Variants in AGBL1 observed in about 807,000 individuals in gnomAD.
AGBL1 encodes the protein cytosolic carboxypeptidase 4.
In AGBL1, 130 loss-of-function variants were observed where a neutral mutation model predicts 118.9. The observed-to-expected ratio is 1.09, with a 90% CI of 0.95 to 1.26. AGBL1 has a LOEUF of 1.26. AGBL1 is among the 50% of genes most tolerant of loss of function. The pLI, the probability that AGBL1 is intolerant of heterozygous loss-of-function variation, is 0.00. For synonymous variants in AGBL1, 555 were observed against 478.9 expected (o/e 1.16, Z -2.08); for missense variants, 1,584 against 1,298.1 (o/e 1.22, Z -3.38).
chr15:86,176,543 C>T (rs1002622153), intron 5 of AGBL1, among the ~76,000 whole-genome samples: 5 of 151,926 alleles, frequency 3.3e-5, no homozygotes, highest in Non-Finnish European at 7.4e-5. Flanking sequence ...TGTAGAACAC[C>T]GCGTGGGCTA....
intron 6 of AGBL1, among the ~76,000 whole-genome samples, chr15:86,236,945 G>A (rs1482079410): frequency 7.5e-5 from 3 of 40,078 alleles, no homozygotes; most frequent in Non-Finnish European, 1.9e-4. Flanking sequence ...GGGGGGGCGG[G>A]GGGGGGCGGG....
At chr15:86,427,885 T>C (rs764503788) in intron 18 of AGBL1, among the ~76,000 whole-genome samples, 3 of 152,200 alleles carry the variant, frequency 2.0e-5, no homozygotes, top group African/African-American at 7.2e-5. Flanking sequence ...GTGAACATGA[T>C]AGAAGTTTGC....
intron 17 of AGBL1, among the ~76,000 whole-genome samples, chr15:86,391,945 A>G (rs2081293827): frequency 6.6e-6 from 1 of 152,014 alleles, no homozygotes; most frequent in Non-Finnish European, 1.5e-5. Flanking sequence ...ACCAGATCAA[A>G]TGTTACCTTT....
chr15:86,778,241 A>C (rs975153643), intron 22 of AGBL1, among the ~76,000 whole-genome samples: 1 of 152,202 alleles, frequency 6.6e-6, no homozygotes, highest in Non-Finnish European at 1.5e-5. Flanking sequence ...AAATGGAGGC[A>C]GGGCGAGATC....
intron 22 of AGBL1, among the ~76,000 whole-genome samples, chr15:86,903,601 A>T (rs1262503865): frequency 6.6e-6 from 1 of 152,150 alleles, no homozygotes; most frequent in African/African-American, 2.4e-5. Flanking sequence ...CTATGAGGCT[A>T]TGGATCTTAT....
chr15:86,369,081 A>G (rs2080932453), intron 17 of AGBL1, among the ~76,000 whole-genome samples: 1 of 152,166 alleles, frequency 6.6e-6, no homozygotes. Flanking sequence ...AAGTCTACCA[A>G]CAAGACCCTC....
At chr15:86,221,571 A>C (rs1296865364) in intron 5 of AGBL1, among the ~76,000 whole-genome samples, 1 of 152,186 alleles carries the variant, frequency 6.6e-6, no homozygotes, top group Non-Finnish European at 1.5e-5. Context: ...ACATGTAACC[A>C]CTGAATAAAC....
At chr15:87,014,339 T>C (rs187597422) in intron 24 of AGBL1, among the ~76,000 whole-genome samples, 3 of 152,308 alleles carry the variant, frequency 2.0e-5, no homozygotes, top group East Asian at 3.9e-4. Flanking sequence ...TATTGCGTGA[T>C]CTTAGGCAAG....
At chr15:86,692,318 A>G (rs2086186320) in intron 22 of AGBL1, among the ~76,000 whole-genome samples, 1 of 152,116 alleles carries the variant, frequency 6.6e-6, no homozygotes, top group Non-Finnish European at 1.5e-5. Flanking sequence ...CAATGAAGGA[A>G]CTCTTTACAA....
chr15:86,468,773 TA>T (rs1042952736), intron 18 of AGBL1, among the ~76,000 whole-genome samples: 2 of 152,306 alleles, frequency 1.3e-5, no homozygotes, highest in East Asian at 1.9e-4. Flanking sequence ...ATTATGGTAT[TA>T]AAAGAGTGTT....
chr15:86,224,157 A>G (rs578222705), intron 5 of AGBL1, among the ~76,000 whole-genome samples: 1 of 152,254 alleles, frequency 6.6e-6, no homozygotes, highest in African/African-American at 2.4e-5. Flanking sequence ...AAAAAAGCAA[A>G]CACAACTCTC....
At chr15:86,132,969 T>C (rs1023069689) in intron 1 of AGBL1, among the ~76,000 whole-genome samples, 2 of 152,222 alleles carry the variant, frequency 1.3e-5, no homozygotes, top group African/African-American at 4.8e-5. Context: ...CGCCTATTTA[T>C]TTATCAACAT....
intron 9 of AGBL1, 111 bp from the exon 10 acceptor site, chr15:86,262,667 G>C: frequency 1.3e-6 from 1 of 756,376 alleles, no homozygotes; most frequent in Non-Finnish European, 2.3e-6. Flanking sequence ...ATAATTTGGA[G>C]GCAAGAAAAC....
intron 21 of AGBL1, among the ~76,000 whole-genome samples, chr15:86,618,641 G>A (rs1245707554): frequency 6.6e-6 from 1 of 152,086 alleles, no homozygotes; most frequent in Non-Finnish European, 1.5e-5. Flanking sequence ...TAATTCTTAG[G>A]CATCTCAAAT....
chr15:86,529,791 G>A (rs1343805893), intron 19 of AGBL1, among the ~76,000 whole-genome samples: 2 of 151,836 alleles, frequency 1.3e-5, no homozygotes, highest in Admixed American at 1.3e-4. Context: ...AGAAGAGACT[G>A]GGGGCCAATA....
intron 1 of AGBL1, among the ~76,000 whole-genome samples, chr15:86,102,621 G>A (rs1896803026): frequency 6.6e-6 from 1 of 152,096 alleles, no homozygotes; most frequent in Non-Finnish European, 1.5e-5. Flanking sequence ...ATTTTCTCCT[G>A]GCCTGTAAGG....
At chr15:86,356,801 C>A (rs997230669) in intron 17 of AGBL1, among the ~76,000 whole-genome samples, 8 of 152,162 alleles carry the variant, frequency 5.3e-5, no homozygotes, top group Admixed American at 1.3e-4. Flanking sequence ...TGTAGCTCTT[C>A]TGTGGAGGAT....
rs1373695562 is a variant in AGBL1 at position 86,914,090 on chromosome 15, C to T, written c.*6796C>T. The T allele has an allele frequency of 7.2e-5, 11 of 152,140 alleles. No homozygotes were observed. Among genetic ancestry groups the T allele is most frequent in the Admixed American group, 5.9e-4 (9 of 15,280 alleles). 9.4% of individuals were successfully genotyped at this position (152,140 alleles called of 1,614,324 possible). A position where few individuals can be genotyped will look rare whatever the true frequency, so the allele number is the denominator to read the frequency against. ...TGAGTGTAGCCCTGGTCTTGAAGGG[C>T]AGGGCAAGACATGGCATTGAGTTCA... On this transcript the variant is annotated 3_prime_UTR_variant, in exon 23 of 23. Transcript: ENST00000614907.
chr15:86,603,436 C>A (rs7175485), intron 21 of AGBL1, among the ~76,000 whole-genome samples: 1 of 152,044 alleles, frequency 6.6e-6, no homozygotes, highest in Non-Finnish European at 1.5e-5. Flanking sequence ...CACCCCCGCC[C>A]CCTACCATCT....
Sources: gnomAD v4.1 joint callset for allele counts (sites outside exome capture counted in the v4.1 genomes callset) on GRCh38, gnomAD v4.1.1 for gene constraint, MANE v1.5 for transcripts, NCBI Gene and HGNC (gene_info 2026-07-23, HGNC 2026-07-21) for gene names.